MAN1A1: variants seen among roughly 807,000 people sequenced by gnomAD.
MAN1A1 encodes the protein mannosidase alpha class 1A member 1.
A neutral mutation model predicts 70.8 loss-of-function variants in MAN1A1; 29 were observed. The observed-to-expected ratio is 0.41, with a 90% CI of 0.31 to 0.56. MAN1A1 has a LOEUF of 0.56. MAN1A1 is among the 20% of genes least tolerant of loss of function. The pLI is 0.29. For missense variants in MAN1A1, 747 were observed against 841.3 expected (o/e 0.89, Z 1.39); for synonymous variants, 349 against 330.1 (o/e 1.06, Z -0.62).
intron 5 of MAN1A1, among the ~76,000 whole-genome samples, chr6:119,252,829 G>A (rs926540737): frequency 6.6e-6 from 1 of 152,018 alleles, no homozygotes; most frequent in African/African-American, 2.4e-5. Context: ...CAAAGGAGAC[G>A]AGAGCCTTGA....
intron 2 of MAN1A1, among the ~76,000 whole-genome samples, chr6:119,333,155 A>T (rs1028850376): frequency 3.3e-5 from 5 of 152,228 alleles, no homozygotes; most frequent in Non-Finnish European, 5.9e-5. Flanking sequence ...TTTCAAATCA[A>T]TCAAAGGCAT....
At chr6:119,321,856 G>A (rs944869486) in intron 2 of MAN1A1, among the ~76,000 whole-genome samples, 1 of 151,842 alleles carries the variant, frequency 6.6e-6, no homozygotes, top group East Asian at 1.9e-4. Context: ...TAACCTCAAG[G>A]GATCCACCCA....
chr6:119,209,810 C>T (rs1002101216), intron 6 of MAN1A1, among the ~76,000 whole-genome samples: 3 of 152,122 alleles, frequency 2.0e-5, no homozygotes, highest in Admixed American at 6.5e-5. Context: ...AGACTAGCCA[C>T]GATTCTATTG....
At chr6:119,322,578 A>G (rs1413304313) in intron 2 of MAN1A1, among the ~76,000 whole-genome samples, 1 of 152,170 alleles carries the variant, frequency 6.6e-6, no homozygotes, top group Non-Finnish European at 1.5e-5. Flanking sequence ...TGTGTGTGCT[A>G]TTTGCTACTA....
chr6:119,241,338 T>A (rs569951995), intron 6 of MAN1A1, among the ~76,000 whole-genome samples: 1 of 152,290 alleles, frequency 6.6e-6, no homozygotes, highest in East Asian at 1.9e-4. Context: ...TCCCCAACAG[T>A]GGACCTGGCT....
intron 4 of MAN1A1, among the ~76,000 whole-genome samples, chr6:119,292,575 C>T (rs761088658): frequency 2.0e-5 from 3 of 151,846 alleles, no homozygotes; most frequent in Admixed American, 6.6e-5. Context: ...TCCTTACATG[C>T]TCTCTGTAAA....
intron 11 of MAN1A1, among the ~76,000 whole-genome samples, chr6:119,183,047 C>T (rs967229052): frequency 9.2e-5 from 14 of 152,168 alleles, no homozygotes; most frequent in African/African-American, 3.4e-4. Context: ...TAAGTACCAG[C>T]CACGGATTCT....
intron 2 of MAN1A1, among the ~76,000 whole-genome samples, chr6:119,315,334 A>G (rs564703071): frequency 3.7e-4 from 56 of 152,272 alleles, no homozygotes; most frequent in African/African-American, 1.3e-3. Flanking sequence ...CGTGGTTAGC[A>G]ATAGCAATTT....
chr6:119,202,967 T>C (rs1773755778), intron 7 of MAN1A1, among the ~76,000 whole-genome samples: 1 of 146,802 alleles, frequency 6.8e-6, no homozygotes, highest in East Asian at 2.1e-4. Context: ...AGTGCCCTCA[T>C]GAGAGACACA....
At chr6:119,185,314 GTGT>G (rs1773256989) in intron 11 of MAN1A1, among the ~76,000 whole-genome samples, 1 of 152,190 alleles carries the variant, frequency 6.6e-6, no homozygotes, top group Non-Finnish European at 1.5e-5. Flanking sequence ...GAACTCTCTA[GTGT>G]TGTACTGCTG....
At chr6:119,331,028 C>T (rs971187053) in intron 2 of MAN1A1, among the ~76,000 whole-genome samples, 1 of 151,930 alleles carries the variant, frequency 6.6e-6, no homozygotes, top group South Asian at 2.1e-4. Context: ...GGTGGTACTT[C>T]TAAATATTTG....
At chr6:119,223,983 A>G (rs888947690) in intron 6 of MAN1A1, among the ~76,000 whole-genome samples, 1 of 152,186 alleles carries the variant, frequency 6.6e-6, no homozygotes, top group African/African-American at 2.4e-5. Context: ...AAGGCTTTTT[A>G]AAAAAATCTG....
intron 5 of MAN1A1, among the ~76,000 whole-genome samples, chr6:119,259,525 A>G (rs1311736049): frequency 1.3e-5 from 2 of 152,228 alleles, no homozygotes; most frequent in Non-Finnish European, 2.9e-5. Context: ...TATCCAGTAC[A>G]CACCTAATAC....
intron 4 of MAN1A1, among the ~76,000 whole-genome samples, chr6:119,301,570 T>G: frequency 6.6e-6 from 1 of 152,188 alleles, no homozygotes. Flanking sequence ...CATGACACAG[T>G]GTAAAAGCAT....
chr6:119,188,633 C>A, intron 10 of MAN1A1, 56 bp from the exon 11 acceptor site: 2 of 1,471,362 alleles, frequency 1.4e-6, no homozygotes, highest in South Asian at 2.5e-5. Context: ...TGCTTACAGT[C>A]AATAACTTAA....
chr6:119,348,817 G>T lies in MAN1A1; in HGVS notation c.249C>A (p.Ala83=). The change falls in exon 2 of 13, where the codon GCC becomes GCA. Residue 83 remains alanine (A), a synonymous_variant. Coordinates refer to ENST00000368468, the MANE Select transcript of MAN1A1 (RefSeq NM_005907.4). ...CCCCGGGCCCGGGCTTGTGGTCGGC[G>T]GCCGGCTGCAAGGCGGGGCTGGAGT... ...LFHSSPALQP[A]ADHKPGPGAR... 6.9e-7 allele frequency: 1 copy of T among 1,458,518 alleles called. No homozygotes were observed. Among genetic ancestry groups the T allele is most frequent in the South Asian group, 1.4e-5 (1 of 70,072 alleles). The allele number at this position is 1,458,518 out of a possible 1,614,324, so 90.3% of individuals were successfully genotyped here. A position where few individuals can be genotyped will look rare whatever the true frequency, so the allele number is the denominator to read the frequency against.
intron 2 of MAN1A1, among the ~76,000 whole-genome samples, chr6:119,340,443 A>T (rs760613196): frequency 6.6e-6 from 1 of 152,158 alleles, no homozygotes. Flanking sequence ...GAGTGTTCTG[A>T]AGGGACCTTG....
intron 2 of MAN1A1, chr6:119,331,837 A>G (rs1258854049): frequency 1.6e-5 from 5 of 309,026 alleles, no homozygotes; most frequent in Non-Finnish European, 2.6e-5. Flanking sequence ...TCTTTATTCA[A>G]GGTGGGTAAG....
chr6:119,348,787 G>T lies in MAN1A1; in HGVS notation c.279C>A (p.Arg93=). The change falls in exon 2 of 13, where the codon CGC becomes CGA. Residue 93 remains arginine, a synonymous_variant. Transcript: ENST00000368468. ...AADHKPGPGA[R]AEDAAEGRAR... Reference sequence around the variant, plus strand: ...CTCGCCCCTCGGCCGCGTCCTCGGCGCGCGCCCCGGGCCCGGGCTTGTGGT... The same window carrying T: ...CTCGCCCCTCGGCCGCGTCCTCGGCTCGCGCCCCGGGCCCGGGCTTGTGGT... 1.3e-5 allele frequency: 19 copies of T among 1,410,686 alleles called. No individual in the cohort carries two copies. The highest frequency in any genetic ancestry group is 1.8e-5 in the Non-Finnish European group (19 of 1,081,922). 87.4% of individuals were successfully genotyped at this position (1,410,686 alleles called of 1,614,324 possible).
Sources: allele counts gnomAD v4.1 joint callset (sites outside exome capture counted in the v4.1 genomes callset), GRCh38; gene constraint gnomAD v4.1.1; transcripts MANE v1.5; gene names NCBI Gene and HGNC (gene_info 2026-07-23, HGNC 2026-07-21).